The following TNXB variants were observed in gnomAD, a reference collection of about 807,000 sequenced individuals.
TNXB encodes tenascin-X.
In TNXB, 183 loss-of-function variants were observed where a neutral mutation model predicts 340.5. That is an observed-to-expected ratio of 0.54 (90% CI 0.48 to 0.61). The LOEUF (loss-of-function observed/expected upper bound fraction) is 0.61. TNXB is among the 20% of genes least tolerant of loss of function. The pLI is 0.00. For synonymous variants in TNXB, 2,121 were observed against 2,314.5 expected, an observed-to-expected ratio of 0.92 and a Z score of 2.40; for missense variants, 4,613 against 5,446.4, an observed-to-expected ratio of 0.85 and a Z score of 4.82.
At chr6:32,071,024 G>A (rs1778740707) in intron 13 of TNXB, among the ~76,000 whole-genome samples, 1 of 152,230 alleles carries the variant, frequency 6.6e-6, no homozygotes, top group South Asian at 2.1e-4. Flanking sequence ...CTCAGGCAGG[G>A]AAGGGATCTG....
chr6:32,079,497 A>G lies in TNXB; in HGVS notation c.4043-132T>C. 1 of 769,470 alleles carries G rather than the reference A, an allele frequency of 1.3e-6. No individual in the cohort carries two copies. The highest frequency in any genetic ancestry group is 2.7e-5 in the East Asian group (1 of 36,934). The allele number at this position is 769,470 out of a possible 1,614,324, so 47.7% of individuals were successfully genotyped here. A position where few individuals can be genotyped will look rare whatever the true frequency, so the allele number is the denominator to read the frequency against. On this transcript the variant is annotated intron_variant, in intron 10 of 43. Transcript: ENST00000644971. The surrounding 1 kb of genome is among the most constrained non-coding windows in gnomAD (Gnocchi z 7.1). Reference sequence around the variant, plus strand: ...CTTTGTATTTGCCATTCGGTCACTCACGGATGGAGAAGGCTGAGACAGCCC... The same window carrying G: ...CTTTGTATTTGCCATTCGGTCACTCGCGGATGGAGAAGGCTGAGACAGCCC...
In TNXB at chr6:32,096,856, T is replaced by G; in HGVS notation, c.997A>C (p.Thr333Pro). The G allele has an allele frequency of 1.2e-6, 2 of 1,607,220 alleles. No individual in the cohort carries two copies. The highest frequency in any genetic ancestry group is 1.7e-6 in the Non-Finnish European group (2 of 1,177,344). Residue 333 changes from threonine (T) to proline (P), a missense_variant, in exon 3 of 44, where the codon ACT becomes CCT. By Grantham distance (38) the Thr-to-Pro change is conservative. Transcript: ENST00000644971. The stretch of plus-strand genomic sequence containing the variant: ...CTCCGCGTACCACAGTCCTCGCCAG[T>G]GTAGCCGGGGTCACACACGCAGCGC... The part of the protein sequence containing the change: ...DGRCVCDPGY[T>P]GEDCGTRSCP...
At chr6:32,092,221 C>A (rs1293831132) in intron 4 of TNXB, among the ~76,000 whole-genome samples, 3 of 152,168 alleles carry the variant, frequency 2.0e-5, no homozygotes, top group Admixed American at 2.0e-4. Flanking sequence ...GTGGGGGAGT[C>A]TGACAATTTG....
rs1331243423 is a variant in TNXB, at chr6:32,068,937, A to G, written c.5787T>C (p.Gly1929=). 6.2e-7 allele frequency: 1 copy of G among 1,612,644 alleles called. No homozygotes were observed. The highest frequency in any genetic ancestry group is 2.2e-5 in the East Asian group (1 of 44,882). The change falls in exon 16 of 44, where the codon GGT becomes GGC. Residue 1929 remains glycine (G), a synonymous_variant. Transcript: ENST00000644971. The surrounding 1 kb of genome is among the most constrained non-coding windows in gnomAD (Gnocchi z 5.3). ...DGQLQMVRIG[G]DRNDITLSGL... ...CAGAGAGGGTGATGTCATTCCGGTC[A>G]CCTCCTATGCGGACCATTTGGAGTT...
At chr6:32,063,819 A>C (rs1562818005) in intron 19 of TNXB, among the ~76,000 whole-genome samples, 1 of 152,232 alleles carries the variant, frequency 6.6e-6, no homozygotes, top group Non-Finnish European at 1.5e-5. Flanking sequence ...TAACAGCTAT[A>C]AAAGAGCTTA....
intron 34 of TNXB, 44 bp downstream of exon 34, chr6:32,043,963 G>GCTC: frequency 6.2e-7 from 1 of 1,609,080 alleles, no homozygotes; most frequent in Non-Finnish European, 8.5e-7. Context: ...GAGTGCAGGG[G>GCTC]GGAGAGGAAA....
At chr6:32,071,567 G>A (rs1314826601) in intron 13 of TNXB, among the ~76,000 whole-genome samples, 2 of 146,660 alleles carry the variant, frequency 1.4e-5, no homozygotes, top group East Asian at 4.1e-4. Context: ...TCTGCTTTGC[G>A]GCTTTTCTTT....
At chr6:32,107,385 C>T (rs941908369) in intron 1 of TNXB, among the ~76,000 whole-genome samples, 5 of 152,160 alleles carry the variant, frequency 3.3e-5, no homozygotes, top group African/African-American at 1.2e-4. Flanking sequence ...CACCCAGAGG[C>T]TCCTTCCCAA....
Position 32,089,250 on chromosome 6 carries a change from G to A in TNXB, c.2488C>T (p.Leu830Phe). The A allele has an allele frequency of 6.2e-7, 1 of 1,605,278 alleles. No individual in the cohort carries two copies. The highest frequency in any genetic ancestry group is 1.3e-5 in the African/African-American group (1 of 74,982). ...VRALRGTSWG[L>F]PASKTITTMI... ...GTGGTGATGGTCTTGGAGGCAGGAA[G>A]GCCCCAGCTGGTCCCTCGAAGGGCT... The change falls in exon 5 of 44, where the codon CTT (leucine) becomes TTT (phenylalanine). Residue 830 changes from leucine (L) to phenylalanine (F), a missense_variant. Coordinates refer to ENST00000644971, the MANE Select transcript of TNXB (RefSeq NM_001365276.2). This position sits in a 1 kb window ranked among gnomAD's most constrained non-coding sequence, Gnocchi z 6.2.
intron 4 of TNXB, chr6:32,093,500 G>A (rs1780174365): frequency 1.5e-6 from 1 of 666,020 alleles, no homozygotes; most frequent in Non-Finnish European, 2.8e-6. Flanking sequence ...GAGTGAGGAT[G>A]ACAGTTCCTC....
At chr6:32,057,687 C>T (rs779427421) in intron 22 of TNXB, among the ~76,000 whole-genome samples, 1 of 152,238 alleles carries the variant, frequency 6.6e-6, no homozygotes, top group Non-Finnish European at 1.5e-5. Context: ...GTGCCATGCT[C>T]TTTCTAGCCT....
At chr6:32,077,302 CT>C (rs1779133685) in intron 11 of TNXB, among the ~76,000 whole-genome samples, 1 of 152,232 alleles carries the variant, frequency 6.6e-6, no homozygotes, top group Admixed American at 6.5e-5. Context: ...CCGTCTCCCT[CT>C]TCTCAGGGCT....
rs757352676 is a variant in TNXB at position 32,048,032 on chromosome 6, G to C, written c.10046-20C>G. On this transcript the variant is annotated intron_variant, in intron 29 of 43. Transcript: ENST00000644971. ...CTGGGGCTGGAAAAGACAGTGAGGTGCATGGAGAGTGGGATGGAGGCAAAG... is the reference window on the plus strand; with the variant it reads ...CTGGGGCTGGAAAAGACAGTGAGGTCCATGGAGAGTGGGATGGAGGCAAAG... The C allele has an allele frequency of 5.8e-5, 92 of 1,595,914 alleles. No individual in the cohort carries two copies. Among genetic ancestry groups the C allele is most frequent in the Non-Finnish European group, 7.5e-5 (88 of 1,169,174 alleles).
At position 32,084,488 on chromosome 6, in the gene TNXB, G is replaced by A. The variant is rs373648686; in HGVS notation, c.3370C>T (p.Arg1124Cys). The change falls in exon 8 of 44, where the codon CGC becomes TGC. Residue 1124 changes from arginine to cysteine, a missense_variant. This residue lies in a region of TNXB where 4,327 missense variants were observed against 4,859.4 expected (regional missense o/e 0.89). Coordinates refer to ENST00000644971, the MANE Select transcript of TNXB (RefSeq NM_001365276.2). This position sits in a 1 kb window ranked among gnomAD's most constrained non-coding sequence, Gnocchi z 5.5. ...SAVITSLDPG[R>C]KYKFVLYGFV... ...CCATACAGGACAAATTTGTACTTGC[G>A]GCCAGGATCCAGGGAGGTGATGACG... 4 of 1,608,326 alleles carry A rather than the reference G, an allele frequency of 2.5e-6. No homozygotes were observed. Among genetic ancestry groups the A allele is most frequent in the African/African-American group, 1.3e-5 (1 of 74,896 alleles).
chr6:32,067,341 A>C lies in TNXB; in HGVS notation c.6544+320T>G, dbSNP rs1173019949. ...TTATTTAACAAATACTTATTAATTTAATTAATTTGTATTTCAAAAATGTGT... is the reference window on the plus strand; with the variant it reads ...TTATTTAACAAATACTTATTAATTTCATTAATTTGTATTTCAAAAATGTGT... On this transcript the variant is annotated intron_variant, in intron 18 of 43. Coordinates refer to ENST00000644971, the MANE Select transcript of TNXB (RefSeq NM_001365276.2). The surrounding 1 kb of genome is among the most constrained non-coding windows in gnomAD (Gnocchi z 4.2). Among the ~76,000 whole-genome samples, 1 of 152,158 alleles carries C rather than the reference A, an allele frequency of 6.6e-6. No homozygotes were observed. The highest frequency in any genetic ancestry group is 1.5e-5 in the Non-Finnish European group (1 of 68,036).
chr6:32,055,732 G>C (rs1396511359), intron 24 of TNXB, 119 bp downstream of exon 24: 18 of 1,412,462 alleles, frequency 1.3e-5, no homozygotes, highest in Non-Finnish European at 1.6e-5. Context: ...CTCTTAGCAA[G>C]ATCCCCAAGC....
intron 4 of TNXB, among the ~76,000 whole-genome samples, chr6:32,094,026 A>G (rs1234529293): frequency 7.1e-6 from 1 of 141,410 alleles, no homozygotes; most frequent in Non-Finnish European, 1.5e-5. Flanking sequence ...CCTGGGATGC[A>G]GAGGTTGCAG....
In TNXB at chr6:32,047,803, A is replaced by G. The variant is rs766890944; in HGVS notation, c.10255T>C (p.Tyr3419His). 1.9e-6 allele frequency: 3 copies of G among 1,610,700 alleles called. No homozygotes were observed. The highest frequency in any genetic ancestry group is 2.5e-6 in the Non-Finnish European group (3 of 1,179,096). ...TVQGLEPSRK[Y>H]RFLLYGLSGR... ...GACAGACCATAGAGCAGGAACCTGT[A>G]TTTCCTACTGGGCTCCAGGCCCTGG... Residue 3419 changes from tyrosine (Y) to histidine (H), a missense_variant, in exon 30 of 44, where the codon TAC (tyrosine) becomes CAC (histidine). By Grantham distance (83) the Tyr-to-His change is moderately conservative. Around this residue, in one of 7 missense-constraint regions of TNXB, gnomAD observed 4,327 missense variants for 4,859.4 expected, o/e 0.89. Transcript: ENST00000644971. This position sits in a 1 kb window ranked among gnomAD's most constrained non-coding sequence, Gnocchi z 6.2.
intron 1 of TNXB, 89 bp from the exon 2 acceptor site, chr6:32,098,295 C>G (rs1325926409): frequency 9.0e-7 from 1 of 1,109,548 alleles, no homozygotes; most frequent in African/African-American, 1.6e-5. Context: ...ACGGTCCCAC[C>G]ACCCACAAGT....
Sources: allele counts gnomAD v4.1 joint callset (sites outside exome capture counted in the v4.1 genomes callset), GRCh38; gene constraint gnomAD v4.1.1; regional missense constraint gnomAD v4.1.1; non-coding constraint Gnocchi (gnomAD v3.1); transcripts MANE v1.5; gene names NCBI Gene and HGNC (gene_info 2026-07-23, HGNC 2026-07-21).